TAFA1: variants seen among roughly 807,000 people sequenced by gnomAD.
TAFA1 encodes the protein chemokine-like protein TAFA-1.
In TAFA1, 4 loss-of-function variants were observed where a neutral mutation model predicts 18.5. The ratio of observed to expected loss-of-function variants is 0.22; its 90% confidence interval spans 0.11 to 0.49. TAFA1 has a LOEUF of 0.49. Among genes scored for constraint, TAFA1 ranks in the 20% least tolerant of loss-of-function variants. The probability of loss-of-function intolerance (pLI) is 0.98; values close to 1 mark genes in which losing one functional copy is unlikely to be tolerated. For synonymous variants in TAFA1, 56 were observed against 55.2 expected, an observed-to-expected ratio of 1.01 and a Z score of -0.06; for missense variants, 147 against 169.0, an observed-to-expected ratio of 0.87 and a Z score of 0.72.
chr3:68,431,844 C>A (rs140616463), intron 3 of TAFA1, among the ~76,000 whole-genome samples: 168 of 151,960 alleles, frequency 1.1e-3, no homozygotes, highest in Middle Eastern at 3.4e-3. Flanking sequence ...TCTTAAGAGC[C>A]GAGCTCCCCG....
chr3:68,147,819 T>C (rs1296556883), intron 2 of TAFA1, among the ~76,000 whole-genome samples: 1 of 152,200 alleles, frequency 6.6e-6, no homozygotes, highest in Non-Finnish European at 1.5e-5. Context: ...AAAACAGGGC[T>C]CACACCTGCC....
intron 3 of TAFA1, among the ~76,000 whole-genome samples, chr3:68,424,324 G>T (rs1005996954): frequency 2.0e-5 from 3 of 151,678 alleles, no homozygotes; most frequent in African/African-American, 7.3e-5. Context: ...GAAAGAGAGG[G>T]TCAGAGATTA....
At chr3:68,374,878 A>G (rs774936581) in intron 2 of TAFA1, among the ~76,000 whole-genome samples, 1 of 152,018 alleles carries the variant, frequency 6.6e-6, no homozygotes, top group Non-Finnish European at 1.5e-5. Flanking sequence ...TTCTTTATGG[A>G]TCGCATTACT....
chr3:68,189,084 T>G (rs1430836377), intron 2 of TAFA1, among the ~76,000 whole-genome samples: 1 of 151,900 alleles, frequency 6.6e-6, no homozygotes, highest in Admixed American at 6.6e-5. Flanking sequence ...CCCAAAATTT[T>G]GGAAGGTAAA....
At chr3:68,271,108 A>G (rs2067657720) in intron 2 of TAFA1, among the ~76,000 whole-genome samples, 1 of 152,110 alleles carries the variant, frequency 6.6e-6, no homozygotes, top group South Asian at 2.1e-4. Context: ...GGGGTCAAAC[A>G]GCATCAAATT....
chr3:68,454,083 A>G (rs958751713), intron 3 of TAFA1, among the ~76,000 whole-genome samples: 4 of 152,316 alleles, frequency 2.6e-5, no homozygotes, highest in South Asian at 2.1e-4. Flanking sequence ...ACTGACTGCA[A>G]TTGTGTTGTT....
chr3:68,060,746 A>T (rs2064592364), intron 2 of TAFA1, among the ~76,000 whole-genome samples: 2 of 151,532 alleles, frequency 1.3e-5, no homozygotes, highest in Non-Finnish European at 3.0e-5. Context: ...GAGAAAAGAT[A>T]AAAGAGTTGG....
intron 3 of TAFA1, among the ~76,000 whole-genome samples, chr3:68,518,766 G>A (rs1337228275): frequency 6.6e-6 from 1 of 152,152 alleles, no homozygotes; most frequent in African/African-American, 2.4e-5. Context: ...GTTTGAGAGA[G>A]TGAGTGAAGG....
chr3:68,330,315 A>G (rs374838265), intron 2 of TAFA1, among the ~76,000 whole-genome samples: 6 of 152,294 alleles, frequency 3.9e-5, no homozygotes, highest in African/African-American at 9.6e-5. Flanking sequence ...TGAGGCCTCT[A>G]TTAACCAAGC....
chr3:68,091,750 A>T (rs2065032294), intron 2 of TAFA1, among the ~76,000 whole-genome samples: 1 of 152,130 alleles, frequency 6.6e-6, no homozygotes, highest in Admixed American at 6.5e-5. Flanking sequence ...TCACCTGGCT[A>T]ACCCAAACGA....
At chr3:68,263,728 T>C (rs2067484313) in intron 2 of TAFA1, among the ~76,000 whole-genome samples, 1 of 152,128 alleles carries the variant, frequency 6.6e-6, no homozygotes, top group Non-Finnish European at 1.5e-5. Flanking sequence ...TGCCATTCTC[T>C]GTCTCAGGCC....
chr3:68,395,110 C>T (rs1050168039), intron 2 of TAFA1, among the ~76,000 whole-genome samples: 5 of 152,062 alleles, frequency 3.3e-5, no homozygotes, highest in Non-Finnish European at 7.4e-5. Flanking sequence ...AGAAAGCTAA[C>T]AACCCCATCA....
chr3:68,434,332 T>C (rs1309091235), intron 3 of TAFA1, among the ~76,000 whole-genome samples: 1 of 152,112 alleles, frequency 6.6e-6, no homozygotes, highest in South Asian at 2.1e-4. Context: ...TCTGTCTAAA[T>C]ACAGCCTCTT....
rs538126766 is a variant in TAFA1 at position 68,262,949 on chromosome 3, T to A, written c.119-154331T>A. On this transcript the variant is annotated intron_variant, in intron 2 of 4. Coordinates refer to ENST00000478136, the MANE Select transcript of TAFA1 (RefSeq NM_213609.4). ...AAAGTTTTAATAATTTCTGTAGTTT[T>A]ATTGAAAACATTGACACTGCTTATT... Among the ~76,000 whole-genome samples the A allele has an allele frequency of 2.0e-5, 3 of 152,342 alleles. No homozygotes were observed. The South Asian group carries it at 6.2e-4, about 32-fold the overall frequency.
chr3:68,449,884 A>G (rs998127534), intron 3 of TAFA1, among the ~76,000 whole-genome samples: 3 of 152,256 alleles, frequency 2.0e-5, no homozygotes, highest in African/African-American at 4.8e-5. Context: ...ATGCTTCAAG[A>G]AAAACGGAAA....
chr3:68,418,101 G>T (rs1268605480), intron 3 of TAFA1, among the ~76,000 whole-genome samples: 4 of 152,030 alleles, frequency 2.6e-5, no homozygotes, highest in African/African-American at 9.7e-5. Flanking sequence ...TTTGGACTGA[G>T]GCTCTAGAGA....
intron 2 of TAFA1, among the ~76,000 whole-genome samples, chr3:68,358,753 C>T (rs759533569): frequency 2.0e-5 from 3 of 151,868 alleles, no homozygotes; most frequent in South Asian, 4.2e-4. Flanking sequence ...ATGACAGAGC[C>T]TATGGCATGT....
chr3:68,288,193 A>C (rs1450210240), intron 2 of TAFA1, among the ~76,000 whole-genome samples: 1 of 152,136 alleles, frequency 6.6e-6, no homozygotes, highest in Non-Finnish European at 1.5e-5. Flanking sequence ...TGCTCCTTGC[A>C]GTAATAACTT....
At chr3:68,498,132 T>C (rs1353809798) in intron 3 of TAFA1, among the ~76,000 whole-genome samples, 1 of 152,186 alleles carries the variant, frequency 6.6e-6, no homozygotes, top group East Asian at 1.9e-4. Context: ...GCTGGGCAAT[T>C]ACTGGTTGTT....
Sources: allele counts gnomAD v4.1 joint callset (sites outside exome capture counted in the v4.1 genomes callset), GRCh38; gene constraint gnomAD v4.1.1; transcripts MANE v1.5; gene names NCBI Gene and HGNC (gene_info 2026-07-23, HGNC 2026-07-21).